GALM: variants seen among roughly 807,000 people sequenced by gnomAD.
GALM encodes galactose mutarotase, also known as aldose 1-epimerase.
In GALM, 43 loss-of-function variants were observed where a neutral mutation model predicts 37.4. That is an observed-to-expected ratio of 1.15 (90% confidence interval 0.90 to 1.48). The LOEUF (loss-of-function observed/expected upper bound fraction) is 1.48, where lower values mean the gene tolerates loss of function less well. Among genes scored for constraint, GALM ranks in the 40% most tolerant of loss-of-function variants. The pLI, the probability that GALM is intolerant of heterozygous loss-of-function variation, is 0.00. For missense variants in GALM, 456 were observed against 419.1 expected (o/e 1.09, Z -0.77); for synonymous variants, 199 against 170.6 (o/e 1.17, Z -1.30).
chr2:38,674,504 A>T (rs868828944), intron 1 of GALM, among the ~76,000 whole-genome samples: 1 of 152,124 alleles, frequency 6.6e-6, no homozygotes. Context: ...TTTAAAGTAT[A>T]AGTATGTCCC....
intron 5 of GALM, among the ~76,000 whole-genome samples, chr2:38,731,193 C>T (rs1284620553): frequency 3.9e-5 from 6 of 152,062 alleles, no homozygotes. Context: ...CACCACTGCA[C>T]TCCTCCCTGG....
intron 4 of GALM, among the ~76,000 whole-genome samples, chr2:38,713,153 ACACCATTGT>A (rs1666204863): frequency 1.3e-5 from 2 of 152,136 alleles, no homozygotes; most frequent in South Asian, 4.1e-4. Flanking sequence ...CTCCCTAATC[ACACCATTGT>A]CACCGGAGCC....
At chr2:38,670,281 G>A (rs115119618) in intron 1 of GALM, among the ~76,000 whole-genome samples, 1 of 152,138 alleles carries the variant, frequency 6.6e-6, no homozygotes, top group East Asian at 1.9e-4. Context: ...TACAATCATT[G>A]AAACGCCTTC....
chr2:38,689,843 AC>A lies in GALM; in HGVS notation c.585del (p.Ile196Ter). On this transcript the variant is annotated frameshift_variant, in exon 4 of 7. Coordinates refer to ENST00000272252, the MANE Select transcript of GALM (RefSeq NM_138801.3). LOFTEE classifies it high-confidence loss of function. ...ASPNINDHEV[T>X]IEADTYLPVD... ...CCCAAATATAAATGACCATGAAGTC[AC>A]CATAGAAGCGGATACTTATTTGCCT... 6.2e-7 allele frequency: 1 copy of A among 1,611,362 alleles called. No homozygotes were observed. Among genetic ancestry groups the A allele is most frequent in the Non-Finnish European group, 8.5e-7 (1 of 1,178,154 alleles).
At chr2:38,679,840 G>C (rs1665352088) in intron 2 of GALM, among the ~76,000 whole-genome samples, 1 of 152,140 alleles carries the variant, frequency 6.6e-6, no homozygotes. Flanking sequence ...GAGACAGATA[G>C]ACAGTGTCTG....
At chr2:38,672,147 T>C (rs1222094776) in intron 1 of GALM, among the ~76,000 whole-genome samples, 2 of 152,212 alleles carry the variant, frequency 1.3e-5, no homozygotes, top group Non-Finnish European at 2.9e-5. Flanking sequence ...AAGGGAATTC[T>C]TGCAAGCCCA....
chr2:38,690,156 T>G (rs1198382363), intron 4 of GALM, among the ~76,000 whole-genome samples: 2 of 152,116 alleles, frequency 1.3e-5, no homozygotes, highest in Non-Finnish European at 2.9e-5. Context: ...TCAAAAATTT[T>G]TAAAAAATGG....
intron 4 of GALM, among the ~76,000 whole-genome samples, chr2:38,724,943 C>T (rs755912439): frequency 6.6e-6 from 1 of 152,150 alleles, no homozygotes; most frequent in Non-Finnish European, 1.5e-5. Flanking sequence ...GATGTATGCC[C>T]TCTGTCTTTC....
intron 1 of GALM, among the ~76,000 whole-genome samples, chr2:38,670,774 A>T (rs6707543): frequency 0.16 from 23,956 of 152,214 alleles, 2,001 homozygotes; most frequent in South Asian, 0.24. Context: ...CACTGCAAAA[A>T]ATGGCATGGA....
At chr2:38,694,188 A>AT (rs1665749083) in intron 4 of GALM, among the ~76,000 whole-genome samples, 1 of 152,098 alleles carries the variant, frequency 6.6e-6, no homozygotes, top group Admixed American at 6.6e-5. Flanking sequence ...CTCAAAAAAA[A>AT]AGAAGAAGAT....
intron 4 of GALM, among the ~76,000 whole-genome samples, chr2:38,692,803 C>A (rs1665707463): frequency 5.9e-5 from 9 of 152,094 alleles, no homozygotes; most frequent in Admixed American, 5.9e-4. Flanking sequence ...TTAAATAAAA[C>A]CTGGAAGGGA....
chr2:38,690,703 G>C (rs962590993), intron 4 of GALM, among the ~76,000 whole-genome samples: 1 of 152,164 alleles, frequency 6.6e-6, no homozygotes, highest in South Asian at 2.1e-4. Context: ...AGAGGGCTGG[G>C]ATTACAGGTG....
chr2:38,698,053 C>G (rs1665846632), intron 4 of GALM, among the ~76,000 whole-genome samples: 1 of 152,014 alleles, frequency 6.6e-6, no homozygotes, highest in Admixed American at 6.6e-5. Flanking sequence ...AAATGATCCT[C>G]TTGCTTCAGC....
intron 4 of GALM, among the ~76,000 whole-genome samples, chr2:38,705,381 T>C (rs1558589527): frequency 7.2e-5 from 11 of 152,160 alleles, no homozygotes; most frequent in Admixed American, 7.2e-4. Context: ...ACATGCTGCC[T>C]GAGAGATAAA....
chr2:38,682,232 C>A, intron 3 of GALM: 1 of 454,216 alleles, frequency 2.2e-6, no homozygotes. Flanking sequence ...ACCTCATTCC[C>A]TCCTAAAGGT....
chr2:38,681,546 C>A, intron 3 of GALM, 60 bp downstream of exon 3: 2 of 1,392,846 alleles, frequency 1.4e-6, no homozygotes, highest in Non-Finnish European at 2.0e-6. Context: ...TGGGCTGTGG[C>A]TAGAGAGATC....
chr2:38,681,916 C>G (rs1665407308), intron 3 of GALM, among the ~76,000 whole-genome samples: 1 of 152,270 alleles, frequency 6.6e-6, no homozygotes, highest in Non-Finnish European at 1.5e-5. Flanking sequence ...CCCTGTGAGC[C>G]TGCCAGCTCC....
At chr2:38,681,629 A>C (rs1665399484) in intron 3 of GALM, 143 bp downstream of exon 3, 1 of 663,320 alleles carries the variant, frequency 1.5e-6, no homozygotes, top group Non-Finnish European at 2.7e-6. Flanking sequence ...GAGGGCTTAT[A>C]GTAGGTGCTC....
intron 4 of GALM, among the ~76,000 whole-genome samples, chr2:38,725,787 C>T (rs1414281197): frequency 6.6e-6 from 1 of 151,934 alleles, no homozygotes; most frequent in Non-Finnish European, 1.5e-5. Context: ...TCTTGGCTCA[C>T]CACAACCTCC....
Sources: gnomAD v4.1 joint callset for allele counts (sites outside exome capture counted in the v4.1 genomes callset) on GRCh38, gnomAD v4.1.1 for gene constraint, MANE v1.5 for transcripts, NCBI Gene and HGNC (gene_info 2026-07-23, HGNC 2026-07-21) for gene names.